Variants in PHACTR1 observed in about 807,000 individuals in gnomAD.
PHACTR1 encodes the protein RPEL repeat containing 1.
A neutral mutation model predicts 69.2 loss-of-function variants in PHACTR1; 16 were observed. The observed-to-expected ratio is 0.23, with a 90% CI of 0.16 to 0.35. The LOEUF (loss-of-function observed/expected upper bound fraction) is 0.35. Among genes scored for constraint, PHACTR1 ranks in the 10% least tolerant of loss-of-function variants. The pLI, the probability that PHACTR1 is intolerant of heterozygous loss-of-function variation, is 1.00. For synonymous variants in PHACTR1, 312 were observed against 284.5 expected (o/e 1.10, Z -0.97); for missense variants, 510 against 734.7 (o/e 0.69, Z 3.54).
intron 3 of PHACTR1, among the ~76,000 whole-genome samples, chr6:12,722,926 T>C (rs1471002434): frequency 6.6e-6 from 1 of 152,152 alleles, no homozygotes; most frequent in African/African-American, 2.4e-5. Context: ...GAGATACACA[T>C]GGCTTCAAAT....
At position 13,179,667 on chromosome 6, in the gene PHACTR1, T is replaced by C. The variant is rs1223541381; in HGVS notation, c.497-2852T>C. Among the ~76,000 whole-genome samples the C allele has an allele frequency of 6.7e-6, 1 of 148,904 alleles. No homozygotes were observed. Among genetic ancestry groups the C allele is most frequent in the Non-Finnish European group, 1.5e-5 (1 of 67,408 alleles). Reference sequence around the variant, plus strand: ...GATGGGTGGTTGATAGGTAGGAAGATAGGTAGGTAGGTAGGTAGATAGATA... The same window carrying C: ...GATGGGTGGTTGATAGGTAGGAAGACAGGTAGGTAGGTAGGTAGATAGATA... On this transcript the variant is annotated intron_variant, in intron 6 of 14. Coordinates refer to ENST00000332995, the MANE Select transcript of PHACTR1 (RefSeq NM_030948.6). The surrounding 1 kb of genome is among the most constrained non-coding windows in gnomAD (Gnocchi z 4.2).
intron 5 of PHACTR1, among the ~76,000 whole-genome samples, chr6:13,157,320 T>C (rs1470301492): frequency 1.3e-5 from 2 of 152,272 alleles, no homozygotes; most frequent in Admixed American, 1.3e-4. Flanking sequence ...TGATAGGAAC[T>C]TGTCCCTTTT....
chr6:12,804,873 G>A (rs575452122), intron 4 of PHACTR1, among the ~76,000 whole-genome samples: 18 of 152,162 alleles, frequency 1.2e-4, no homozygotes, highest in African/African-American at 3.1e-4. Context: ...AGTAACTTAC[G>A]TATGTGAAAA....
chr6:12,753,199 A>G (rs1766834676), intron 4 of PHACTR1, among the ~76,000 whole-genome samples: 3 of 152,204 alleles, frequency 2.0e-5, no homozygotes, highest in Admixed American at 2.0e-4. Context: ...TGAACCCATC[A>G]CTGACATTTA....
intron 5 of PHACTR1, among the ~76,000 whole-genome samples, chr6:13,072,777 A>G (rs1431068252): frequency 1.3e-5 from 2 of 151,906 alleles, no homozygotes; most frequent in African/African-American, 4.8e-5. Context: ...ATTGGGTGTG[A>G]ATAGTTTTAT....
chr6:12,837,353 A>G (rs184711948), intron 4 of PHACTR1, among the ~76,000 whole-genome samples: 2 of 152,308 alleles, frequency 1.3e-5, no homozygotes, highest in East Asian at 3.9e-4. Context: ...CAAAGAGGAG[A>G]GAATTGTTCT....
At chr6:12,807,850 T>C (rs1774532796) in intron 4 of PHACTR1, among the ~76,000 whole-genome samples, 1 of 152,258 alleles carries the variant, frequency 6.6e-6, no homozygotes, top group Non-Finnish European at 1.5e-5. Context: ...CTTTAAAGGC[T>C]GAAATCACAT....
intron 7 of PHACTR1, among the ~76,000 whole-genome samples, chr6:13,203,671 C>A (rs1167852525): frequency 1.3e-5 from 2 of 152,158 alleles, no homozygotes; most frequent in East Asian, 3.9e-4. Flanking sequence ...TAGTAATTGA[C>A]CAAGAAGACA....
At chr6:13,072,871 A>G (rs1053697990) in intron 5 of PHACTR1, among the ~76,000 whole-genome samples, 3 of 152,166 alleles carry the variant, frequency 2.0e-5, no homozygotes, top group Non-Finnish European at 4.4e-5. Context: ...CACACTCAGC[A>G]GGGCTGGAAG....
chr6:12,981,677 C>T (rs1208183187), intron 4 of PHACTR1, among the ~76,000 whole-genome samples: 1 of 152,148 alleles, frequency 6.6e-6, no homozygotes, highest in Non-Finnish European at 1.5e-5. Flanking sequence ...TTCCCATCCT[C>T]GATTGGACAT....
rs1434431246 is a variant in PHACTR1, at chr6:12,736,107, A to G, written c.104-13537A>G. Among the ~76,000 whole-genome samples, 7 of 152,372 alleles carry G rather than the reference A, an allele frequency of 4.6e-5. No homozygotes were observed. The East Asian group carries it at 1.3e-3, about 29-fold the overall frequency. On this transcript the variant is annotated intron_variant, in intron 3 of 14. Transcript: ENST00000332995. Reference sequence around the variant, plus strand: ...TCTAGCAAAGTATTCATATGCATAGAAAAAGAAAAATGTTCCAGGATCTAT... The same window carrying G: ...TCTAGCAAAGTATTCATATGCATAGGAAAAGAAAAATGTTCCAGGATCTAT...
At chr6:12,991,983 T>G (rs1416087644) in intron 4 of PHACTR1, among the ~76,000 whole-genome samples, 1 of 151,992 alleles carries the variant, frequency 6.6e-6, no homozygotes, top group African/African-American at 2.4e-5. Context: ...TTCAAAATCC[T>G]AATTAGTATC....
At chr6:12,854,153 T>C (rs1056267618) in intron 4 of PHACTR1, among the ~76,000 whole-genome samples, 1 of 152,142 alleles carries the variant, frequency 6.6e-6, no homozygotes, top group Non-Finnish European at 1.5e-5. Context: ...AAATTTAACT[T>C]TTTATTCTGA....
intron 4 of PHACTR1, among the ~76,000 whole-genome samples, chr6:12,992,857 T>C (rs756966399): frequency 6.6e-6 from 1 of 152,192 alleles, no homozygotes; most frequent in Non-Finnish European, 1.5e-5. Flanking sequence ...CTGATTTACA[T>C]AGGGCACAAA....
chr6:12,799,874 G>C (rs751246652), intron 4 of PHACTR1, among the ~76,000 whole-genome samples: 1 of 152,188 alleles, frequency 6.6e-6, no homozygotes, highest in Admixed American at 6.5e-5. Flanking sequence ...GATGACGCTG[G>C]TATAACCCAG....
intron 4 of PHACTR1, among the ~76,000 whole-genome samples, chr6:12,941,047 TTA>T (rs1790004796): frequency 6.6e-6 from 1 of 152,212 alleles, no homozygotes; most frequent in South Asian, 2.1e-4. Context: ...CACTTGGCCG[TTA>T]TGTTTCCTGG....
chr6:13,084,032 C>A (rs1208165826), intron 5 of PHACTR1, among the ~76,000 whole-genome samples: 1 of 152,044 alleles, frequency 6.6e-6, no homozygotes, highest in East Asian at 1.9e-4. Context: ...GGGTATATAC[C>A]CAAAGGATTA....
At chr6:13,120,893 G>A (rs1461385984) in intron 5 of PHACTR1, among the ~76,000 whole-genome samples, 4 of 152,160 alleles carry the variant, frequency 2.6e-5, no homozygotes, top group Non-Finnish European at 5.9e-5. Flanking sequence ...CTTCACATTT[G>A]TATCATTAAA....
intron 4 of PHACTR1, among the ~76,000 whole-genome samples, chr6:12,827,641 T>A (rs1776950734): frequency 6.6e-6 from 1 of 152,174 alleles, no homozygotes; most frequent in Non-Finnish European, 1.5e-5. Flanking sequence ...TCCAATTTAC[T>A]AGGATTGGCA....
Sources: gnomAD v4.1 joint callset for allele counts (sites outside exome capture counted in the v4.1 genomes callset) on GRCh38, gnomAD v4.1.1 for gene constraint, Gnocchi (gnomAD v3.1) non-coding constraint, MANE v1.5 for transcripts, NCBI Gene and HGNC (gene_info 2026-07-23, HGNC 2026-07-21) for gene names.